The following RBFOX1 variants were observed in gnomAD, a reference collection of about 807,000 sequenced individuals.
RBFOX1 encodes the protein RNA binding fox-1 homolog 1.
Under a neutral mutation model 57.7 loss-of-function variants are expected in RBFOX1, and 8 were observed. The ratio of observed to expected loss-of-function variants is 0.14; its 90% confidence interval spans 0.08 to 0.25. RBFOX1 has a LOEUF of 0.25. RBFOX1 is among the 10% of genes least tolerant of loss of function. The probability of loss-of-function intolerance (pLI) is 1.00; values close to 1 mark genes in which losing one functional copy is unlikely to be tolerated. For missense variants in RBFOX1, 611 were observed against 548.5 expected (o/e 1.11, Z -1.14); for synonymous variants, 326 against 222.4 (o/e 1.47, Z -4.15).
intron 4 of RBFOX1, among the ~76,000 whole-genome samples, chr16:7,068,394 A>T (rs1223358420): frequency 6.6e-6 from 1 of 152,166 alleles, no homozygotes; most frequent in Non-Finnish European, 1.5e-5. Context: ...AGACCAGAGC[A>T]TTCAGAACTA....
chr16:7,254,593 A>G lies in RBFOX1; in HGVS notation c.27+202495A>G, dbSNP rs142396888. On this transcript the variant is annotated intron_variant, in intron 4 of 15. Coordinates refer to ENST00000550418, the MANE Select transcript of RBFOX1 (RefSeq NM_018723.4). Reference sequence around the variant, plus strand: ...TTGTGTTCCAAAGGACCTCCCAGGTATATAATCCTCTCTGTTGCTACTTAA... The same window carrying G: ...TTGTGTTCCAAAGGACCTCCCAGGTGTATAATCCTCTCTGTTGCTACTTAA... 4.8e-3 allele frequency among the ~76,000 whole-genome samples: 735 copies of G among 152,234 alleles called. 16 individuals carry two copies. Among genetic ancestry groups the G allele is most frequent in the Admixed American group, 0.043 (653 of 15,288 alleles).
chr16:6,746,440 G>C (rs1279423812), intron 3 of RBFOX1, among the ~76,000 whole-genome samples: 1 of 152,266 alleles, frequency 6.6e-6, no homozygotes, highest in Non-Finnish European at 1.5e-5. Context: ...ACTATGGGAA[G>C]ACTAGACAGT....
At chr16:6,282,411 A>G (rs1306297163) in intron 1 of RBFOX1, among the ~76,000 whole-genome samples, 1 of 145,148 alleles carries the variant, frequency 6.9e-6, no homozygotes, top group East Asian at 2.0e-4. Context: ...ACGTGTTCAG[A>G]GAGAGTGTGC....
chr16:7,432,249 C>T (rs929372754), intron 4 of RBFOX1, among the ~76,000 whole-genome samples: 1 of 152,178 alleles, frequency 6.6e-6, no homozygotes, highest in Non-Finnish European at 1.5e-5. Flanking sequence ...GGATGAGTCT[C>T]CCAAGGTGGG....
chr16:6,096,346 A>G lies in RBFOX1; in HGVS notation c.-127+76354A>G, dbSNP rs150567961. On this transcript the variant is annotated intron_variant, in intron 1 of 15. Coordinates refer to ENST00000550418, the MANE Select transcript of RBFOX1 (RefSeq NM_018723.4). ...AGGAAAATCGTTCCCCAGATGCATT[A>G]TTGCATTATTTAGGACCATGTGCAC... is the stretch of plus-strand genomic sequence containing the variant. 1.1e-3 allele frequency among the ~76,000 whole-genome samples: 172 copies of G among 152,272 alleles called. 1 individual carries two copies. The highest frequency in any genetic ancestry group is 3.8e-3 in the African/African-American group (159 of 41,570).
At chr16:6,030,519 T>C (rs76456554) in intron 1 of RBFOX1, among the ~76,000 whole-genome samples, 4,549 of 152,322 alleles carry the variant, frequency 0.03, 200 homozygotes, top group African/African-American at 0.1. Flanking sequence ...TATTGTGATG[T>C]ATGTTACTGT....
chr16:7,280,339 C>T lies in RBFOX1; in HGVS notation c.27+228241C>T, dbSNP rs372872240. On this transcript the variant is annotated intron_variant, in intron 4 of 15. Transcript: ENST00000550418. ...AGAGTCCTTCTTCTCCCTCCATAGA[C>T]CCTAAGACTATTAACAGTAGGTCAT... is the stretch of plus-strand genomic sequence containing the variant. Among the ~76,000 whole-genome samples, 6 of 152,324 alleles carry T rather than the reference C, an allele frequency of 3.9e-5. No homozygotes were observed. The East Asian group carries it at 9.7e-4, about 25-fold the overall frequency.
chr16:5,905,859 T>C (rs1024123394), intron 4 of RBFOX1, among the ~76,000 whole-genome samples: 22 of 152,178 alleles, frequency 1.4e-4, no homozygotes, highest in African/African-American at 5.1e-4. Context: ...AAATGCCTCC[T>C]CCGGAAGCCT....
chr16:7,420,418 C>G (rs967513480), intron 4 of RBFOX1, among the ~76,000 whole-genome samples: 1 of 152,140 alleles, frequency 6.6e-6, no homozygotes, highest in African/African-American at 2.4e-5. Context: ...GCAATAAAAA[C>G]AGGAGCAAAA....
intron 2 of RBFOX1, chr16:6,577,047 C>G (rs892120131): frequency 6.6e-6 from 1 of 152,190 alleles, no homozygotes; most frequent in Non-Finnish European, 1.5e-5. Flanking sequence ...ACTGTTCCCC[C>G]AAAACTGTCT....
intron 3 of RBFOX1, among the ~76,000 whole-genome samples, chr16:6,930,816 G>A (rs889938229): frequency 6.6e-6 from 1 of 152,070 alleles, no homozygotes; most frequent in Non-Finnish European, 1.5e-5. Flanking sequence ...CAGTCTATGA[G>A]CAAATGTCAT....
intron 4 of RBFOX1, among the ~76,000 whole-genome samples, chr16:7,471,274 C>G (rs191862731): frequency 5.3e-5 from 8 of 152,276 alleles, no homozygotes; most frequent in African/African-American, 1.4e-4. Context: ...TAGCTTTAGG[C>G]TATTTCCAAC....
At position 5,773,473 on chromosome 16, in the gene RBFOX1, A is replaced by G. The variant is rs1048481411; in HGVS notation, c.319-93830A>G. 3.3e-5 allele frequency among the ~76,000 whole-genome samples: 5 copies of G among 152,214 alleles called. No individual in the cohort carries two copies. The South Asian group carries it at 6.2e-4, about 19-fold the overall frequency. On this transcript the variant is annotated intron_variant, in intron 3 of 19. Transcript: ENST00000641259. ...CAACATGTTTCATATTCTGTGTCGT[A>G]GTTGATTCTAACAGTTGCATAATTT...
intron 3 of RBFOX1, among the ~76,000 whole-genome samples, chr16:6,767,938 TAATAATAATAAGAAGAAG>T (rs1307915222): frequency 3.2e-4 from 27 of 84,794 alleles, no homozygotes; most frequent in Middle Eastern, 5.4e-3. Context: ...ATAATAATAA[TAATAATAATAAGAAGAAG>T]AAGAAGAAGA....
intron 4 of RBFOX1, among the ~76,000 whole-genome samples, chr16:5,951,509 A>C (rs781626142): frequency 6.6e-6 from 1 of 152,042 alleles, no homozygotes; most frequent in East Asian, 1.9e-4. Context: ...ATATATAACT[A>C]TGTATTACAT....
At chr16:6,523,954 C>G (rs1052407770) in intron 2 of RBFOX1, among the ~76,000 whole-genome samples, 1 of 152,196 alleles carries the variant, frequency 6.6e-6, no homozygotes, top group Non-Finnish European at 1.5e-5. Flanking sequence ...ATACACACAT[C>G]ATGGAGAATG....
chr16:6,620,294 C>G (rs2098209607), intron 2 of RBFOX1, among the ~76,000 whole-genome samples: 2 of 152,130 alleles, frequency 1.3e-5, no homozygotes, highest in South Asian at 2.1e-4. Context: ...TTCTTTGAAA[C>G]TAATGAGAAC....
intron 4 of RBFOX1, among the ~76,000 whole-genome samples, chr16:7,194,731 C>A (rs1266736042): frequency 1.3e-5 from 2 of 151,476 alleles, no homozygotes; most frequent in Non-Finnish European, 1.5e-5. Flanking sequence ...AGTGCAAGAC[C>A]AGCCTGGGGA....
chr16:6,312,355 C>G (rs4786855), intron 1 of RBFOX1, among the ~76,000 whole-genome samples: 1 of 151,872 alleles, frequency 6.6e-6, no homozygotes, highest in Non-Finnish European at 1.5e-5. Flanking sequence ...CCACTCTCTT[C>G]TTCTTCTCTC....
Sources: allele counts gnomAD v4.1 joint callset (sites outside exome capture counted in the v4.1 genomes callset), GRCh38; gene constraint gnomAD v4.1.1; transcripts MANE v1.5; gene names NCBI Gene and HGNC (gene_info 2026-07-23, HGNC 2026-07-21).